The following ELMO1 variants were observed in gnomAD, a reference collection of about 807,000 sequenced individuals.
The protein encoded by ELMO1 is engulfment and cell motility protein 1.
A neutral mutation model predicts 98.9 loss-of-function variants in ELMO1; 26 were observed. The ratio of observed to expected loss-of-function variants is 0.26; its 90% confidence interval spans 0.19 to 0.36. The LOEUF (loss-of-function observed/expected upper bound fraction) is 0.36, where lower values mean the gene tolerates loss of function less well. Among genes scored for constraint, ELMO1 ranks in the 10% least tolerant of loss-of-function variants. The pLI is 1.00. For synonymous variants in ELMO1, 346 were observed against 346.0 expected, an observed-to-expected ratio of 1.00 and a Z score of 0.00; for missense variants, 627 against 935.2, an observed-to-expected ratio of 0.67 and a Z score of 4.30.
rs1476363678 is a variant in ELMO1 at position 37,259,221 on chromosome 7, C to T, written c.373G>A (p.Gly125Ser). The change falls in exon 6 of 22, where the codon GGT becomes AGT. Residue 125 changes from glycine (G) to serine (S), a missense_variant. Physicochemically the swap from Gly to Ser is moderately conservative, Grantham distance 56. Coordinates refer to ENST00000310758, the MANE Select transcript of ELMO1 (RefSeq NM_014800.11). The stretch of plus-strand genomic sequence containing the variant: ...ACCATCTGCGTGAGGAGAGAGATAC[C>T]GTCCAGGTTTATAAACTCCTGGGCA... ...TFAQEFINLD[G>S]ISLLTQMVES... The T allele has an allele frequency of 9.3e-6, 15 of 1,613,922 alleles. No individual in the cohort carries two copies. The highest frequency in any genetic ancestry group is 9.3e-6 in the Non-Finnish European group (11 of 1,179,968).
intron 18 of ELMO1, among the ~76,000 whole-genome samples, chr7:36,881,829 A>G (rs896558730): frequency 6.6e-6 from 1 of 152,208 alleles, no homozygotes; most frequent in Non-Finnish European, 1.5e-5. Flanking sequence ...TCCTACAATG[A>G]TGGAAATTCT....
chr7:36,970,766 G>C (rs1789870944), intron 16 of ELMO1, among the ~76,000 whole-genome samples: 1 of 152,192 alleles, frequency 6.6e-6, no homozygotes, highest in African/African-American at 2.4e-5. Flanking sequence ...CAAAACCTGA[G>C]TTACTTAGGT....
chr7:37,304,630 C>A (rs937504755), intron 4 of ELMO1, among the ~76,000 whole-genome samples: 5 of 152,122 alleles, frequency 3.3e-5, no homozygotes, highest in African/African-American at 4.8e-5. Flanking sequence ...GCAGGAGAAT[C>A]GCTTGAACCC....
At chr7:37,426,903 T>G (rs766728181) in intron 1 of ELMO1, among the ~76,000 whole-genome samples, 1 of 152,006 alleles carries the variant, frequency 6.6e-6, no homozygotes, top group Non-Finnish European at 1.5e-5. Flanking sequence ...TATTTAAATA[T>G]TCCCTAAAAG....
At chr7:37,354,633 A>T (rs941661046) in intron 1 of ELMO1, among the ~76,000 whole-genome samples, 5 of 147,376 alleles carry the variant, frequency 3.4e-5, no homozygotes, top group African/African-American at 1.2e-4. Context: ...GGTTTTCTGG[A>T]TATTTGCTTT....
intron 15 of ELMO1, among the ~76,000 whole-genome samples, chr7:37,070,593 C>T (rs1452522665): frequency 6.6e-6 from 1 of 152,182 alleles, no homozygotes; most frequent in Non-Finnish European, 1.5e-5. Flanking sequence ...ACACGGGTTT[C>T]CAGCCTCCTG....
chr7:37,049,846 C>T (rs1340090206), intron 15 of ELMO1, among the ~76,000 whole-genome samples: 3 of 147,106 alleles, frequency 2.0e-5, no homozygotes, highest in Non-Finnish European at 4.5e-5. Context: ...GGCATGATCT[C>T]GGCTCACCAC....
At chr7:37,130,695 G>A (rs562756924) in intron 14 of ELMO1, among the ~76,000 whole-genome samples, 1 of 152,206 alleles carries the variant, frequency 6.6e-6, no homozygotes, top group African/African-American at 2.4e-5. Flanking sequence ...AGTGGGTGAG[G>A]GACCATGATA....
chr7:37,447,714 C>CCACACGCGCACACACCA (rs1554316222), intron 1 of ELMO1, among the ~76,000 whole-genome samples: 1 of 132,140 alleles, frequency 7.6e-6, no homozygotes, highest in African/African-American at 3.1e-5. Context: ...CGCGCACACA[C>CCACACGCGCACACACCA]CACACACACA....
At chr7:37,169,107 A>G (rs1049214811) in intron 13 of ELMO1, among the ~76,000 whole-genome samples, 41 of 152,292 alleles carry the variant, frequency 2.7e-4, no homozygotes, top group African/African-American at 9.9e-4. Context: ...CTGTGCTAGC[A>G]ATCAGCGAGA....
At chr7:36,910,745 A>T (rs1275419642) in intron 16 of ELMO1, among the ~76,000 whole-genome samples, 1 of 152,190 alleles carries the variant, frequency 6.6e-6, no homozygotes, top group Non-Finnish European at 1.5e-5. Context: ...ATAGGACCAG[A>T]TATAAACGAT....
At chr7:37,420,342 T>G (rs568018632) in intron 1 of ELMO1, among the ~76,000 whole-genome samples, 1 of 152,246 alleles carries the variant, frequency 6.6e-6, no homozygotes, top group Admixed American at 6.5e-5. Context: ...TATATTACCA[T>G]GAAGCTAAGA....
intron 15 of ELMO1, among the ~76,000 whole-genome samples, chr7:37,044,847 T>C (rs78858539): frequency 0.034 from 5,190 of 152,326 alleles, 157 homozygotes; most frequent in African/African-American, 0.078. Flanking sequence ...AGTCTTCCCT[T>C]CTTTAATAAA....
chr7:37,237,811 A>G (rs776586010), intron 7 of ELMO1, among the ~76,000 whole-genome samples: 1 of 152,206 alleles, frequency 6.6e-6, no homozygotes, highest in South Asian at 2.1e-4. Flanking sequence ...TTCAAAAAGC[A>G]TGACTTATGT....
intron 2 of ELMO1, among the ~76,000 whole-genome samples, chr7:37,318,303 C>T (rs1799313940): frequency 6.6e-6 from 1 of 152,164 alleles, no homozygotes; most frequent in Non-Finnish European, 1.5e-5. Flanking sequence ...TCTGTGATTA[C>T]TTATCAGAGA....
At chr7:37,317,077 A>G (rs1432331047) in intron 2 of ELMO1, among the ~76,000 whole-genome samples, 2 of 152,158 alleles carry the variant, frequency 1.3e-5, no homozygotes, top group African/African-American at 4.8e-5. Flanking sequence ...ATATTAAATT[A>G]ATACAAAGGG....
In ELMO1 at chr7:36,861,770, A is replaced by C. The variant is rs760827230; in HGVS notation, c.1906-34T>G. On this transcript the variant is annotated intron_variant, in intron 20 of 21. Transcript: ENST00000310758. ...GATGAGAGAAAACAGCACCTTAAGGAAAATCGGCACATTTCATTTTGCAGT... is the reference window on the plus strand; with the variant it reads ...GATGAGAGAAAACAGCACCTTAAGGCAAATCGGCACATTTCATTTTGCAGT... The C allele has an allele frequency of 7.5e-6, 12 of 1,602,348 alleles. No homozygotes were observed. In the East Asian group the frequency reaches 2.2e-4, roughly 30 times the overall value.
chr7:36,953,839 TTGTGTGTGTGTGTGTGTGTGTGTGTG>T (rs10522376), intron 16 of ELMO1, among the ~76,000 whole-genome samples: 6,612 of 136,276 alleles, frequency 0.049, 420 homozygotes, highest in African/African-American at 0.14. Flanking sequence ...TGGGTATGTT[TTGTGTGTGTGTGTGTGTGTGTGTGTG>T]TGTGTGTGTG....
intron 1 of ELMO1, among the ~76,000 whole-genome samples, chr7:37,426,928 A>T (rs1237264534): frequency 6.6e-6 from 1 of 152,134 alleles, no homozygotes; most frequent in Non-Finnish European, 1.5e-5. Context: ...CATTATACCT[A>T]ACTCATTTTC....
Sources: gnomAD v4.1 joint callset for allele counts (sites outside exome capture counted in the v4.1 genomes callset) on GRCh38, gnomAD v4.1.1 for gene constraint, MANE v1.5 for transcripts, NCBI Gene and HGNC (gene_info 2026-07-23, HGNC 2026-07-21) for gene names.